SLC9A9: variants seen among roughly 807,000 people sequenced by gnomAD.
SLC9A9 encodes the protein solute carrier family 9 member A9, also known as sodium/hydrogen exchanger 9.
In SLC9A9, 62 loss-of-function variants were observed where a neutral mutation model predicts 77.8. The observed-to-expected ratio is 0.80, with a 90% confidence interval of 0.65 to 0.98. SLC9A9 has a LOEUF of 0.98. SLC9A9 is among the 50% of genes least tolerant of loss of function. The pLI is 0.00. For synonymous variants in SLC9A9, 320 were observed against 283.5 expected, an observed-to-expected ratio of 1.13 and a Z score of -1.29; for missense variants, 775 against 774.9, an observed-to-expected ratio of 1.00 and a Z score of 0.00.
chr3:143,727,271 T>C (rs1560051398), intron 4 of SLC9A9, among the ~76,000 whole-genome samples: 1 of 152,036 alleles, frequency 6.6e-6, no homozygotes, highest in Non-Finnish European at 1.5e-5. Context: ...ATCAAAGTAG[T>C]GCAAATAGAA....
At chr3:143,791,561 C>A (rs537299261) in intron 4 of SLC9A9, among the ~76,000 whole-genome samples, 2 of 152,312 alleles carry the variant, frequency 1.3e-5, no homozygotes, top group South Asian at 4.1e-4. Flanking sequence ...TTCCCACATT[C>A]TCTGGCACTG....
At chr3:143,495,785 G>T (rs2035824853) in intron 9 of SLC9A9, among the ~76,000 whole-genome samples, 1 of 152,172 alleles carries the variant, frequency 6.6e-6, no homozygotes, top group East Asian at 1.9e-4. Context: ...TTTGCTGAAG[G>T]TGTACTGTAG....
intron 4 of SLC9A9, among the ~76,000 whole-genome samples, chr3:143,707,400 A>ACACACACACC (rs549058822): frequency 6.0e-4 from 87 of 145,104 alleles, no homozygotes; most frequent in African/African-American, 2.1e-3. Flanking sequence ...ACACACACAC[A>ACACACACACC]CCCCAGCTGG....
chr3:143,459,616 A>G lies in SLC9A9; in HGVS notation c.1469+7421T>C, dbSNP rs192756119. Among the ~76,000 whole-genome samples the G allele has an allele frequency of 1.6e-3, 236 of 152,184 alleles. 1 individual carries two copies. The highest frequency in any genetic ancestry group is 5.6e-3 in the African/African-American group (234 of 41,542). On this transcript the variant is annotated intron_variant, in intron 12 of 15. Transcript: ENST00000316549. The stretch of plus-strand genomic sequence containing the variant: ...TTATTGTCTTAGGTGTATGCTGTTT[A>G]GGCTCAGACACATGCATATACAGCC...
rs566684346 is a variant in SLC9A9 at position 143,682,826 on chromosome 3, C to T, written c.649+10366G>A. ...CTGCCCTTTTCTTTTATAGCCACAT[C>T]TTCCTCTGATTGCAGCCAGGAAAAG... On this transcript the variant is annotated intron_variant, in intron 5 of 15. Transcript: ENST00000316549. Among the ~76,000 whole-genome samples the T allele has an allele frequency of 2.0e-5, 3 of 152,270 alleles. No individual in the cohort carries two copies. The South Asian group carries it at 6.2e-4, about 32-fold the overall frequency.
chr3:143,483,192 C>T (rs532273822), intron 11 of SLC9A9, among the ~76,000 whole-genome samples: 83 of 152,224 alleles, frequency 5.5e-4, no homozygotes, highest in African/African-American at 4.6e-4. Context: ...TGTGTGTAGA[C>T]GATTAGTCTA....
At chr3:143,396,851 A>G (rs2033741499) in intron 12 of SLC9A9, among the ~76,000 whole-genome samples, 2 of 152,098 alleles carry the variant, frequency 1.3e-5, no homozygotes, top group African/African-American at 2.4e-5. Flanking sequence ...TGGACTTAAG[A>G]GTGGGGATGT....
At chr3:143,361,104 T>C (rs1310513642) in intron 14 of SLC9A9, among the ~76,000 whole-genome samples, 5 of 152,244 alleles carry the variant, frequency 3.3e-5, no homozygotes, top group Non-Finnish European at 7.3e-5. Flanking sequence ...CCCCCACAAC[T>C]GCATAAACCA....
intron 6 of SLC9A9, 83 bp from the exon 7 acceptor site, chr3:143,578,806 G>T: frequency 6.6e-7 from 1 of 1,513,748 alleles, no homozygotes; most frequent in Non-Finnish European, 9.2e-7. Context: ...TTGGGGAGAG[G>T]TATCTTTCCC....
In SLC9A9 at chr3:143,521,658, C is replaced by T. The variant is rs144056937; in HGVS notation, c.1090-26210G>A. The stretch of plus-strand genomic sequence containing the variant: ...TTGATTAATTTTTTCTTTCTTATGT[C>T]TCCTCTGTGTAGAAAGTTATATATT... On this transcript the variant is annotated intron_variant, in intron 9 of 15. Coordinates refer to ENST00000316549, the MANE Select transcript of SLC9A9 (RefSeq NM_173653.4). Among the ~76,000 whole-genome samples, 156 of 151,814 alleles carry T rather than the reference C, an allele frequency of 1.0e-3. 4 individuals are homozygous for T. In the East Asian group the frequency reaches 0.028, roughly 27 times the overall value.
At chr3:143,347,540 T>C (rs933109369) in intron 14 of SLC9A9, among the ~76,000 whole-genome samples, 1 of 152,140 alleles carries the variant, frequency 6.6e-6, no homozygotes, top group Non-Finnish European at 1.5e-5. Flanking sequence ...TCCAGAGTTA[T>C]AAAGCACAGG....
chr3:143,698,627 A>C (rs531746934), intron 4 of SLC9A9, among the ~76,000 whole-genome samples: 6 of 152,366 alleles, frequency 3.9e-5, no homozygotes, highest in Admixed American at 3.3e-4. Context: ...CAGAAGTTTT[A>C]ATTGTTTGGA....
chr3:143,278,106 T>C (rs1241885384), intron 14 of SLC9A9, among the ~76,000 whole-genome samples: 1 of 152,166 alleles, frequency 6.6e-6, no homozygotes. Flanking sequence ...CATGAACTCA[T>C]GGGCAAGGAT....
At chr3:143,347,935 G>A (rs544714631) in intron 14 of SLC9A9, among the ~76,000 whole-genome samples, 2 of 152,128 alleles carry the variant, frequency 1.3e-5, no homozygotes, top group South Asian at 4.2e-4. Flanking sequence ...TATCATAAGT[G>A]AGGTAAGATT....
chr3:143,456,918 T>C (rs942361772), intron 12 of SLC9A9, among the ~76,000 whole-genome samples: 1 of 152,224 alleles, frequency 6.6e-6, no homozygotes, highest in East Asian at 1.9e-4. Context: ...TCTTCTTGAA[T>C]GGGTTTTGGT....
At chr3:143,601,108 T>C (rs2037838833) in intron 6 of SLC9A9, among the ~76,000 whole-genome samples, 1 of 152,180 alleles carries the variant, frequency 6.6e-6, no homozygotes, top group African/African-American at 2.4e-5. Context: ...CAAAATGTCT[T>C]GTCTTTGATG....
intron 14 of SLC9A9, among the ~76,000 whole-genome samples, chr3:143,353,235 C>T (rs1162079613): frequency 2.6e-5 from 4 of 152,160 alleles, no homozygotes; most frequent in Middle Eastern, 3.2e-3. Flanking sequence ...TTGGCTATAC[C>T]CCTCTCTGGC....
At chr3:143,616,950 G>T (rs943500884) in intron 6 of SLC9A9, among the ~76,000 whole-genome samples, 6 of 151,822 alleles carry the variant, frequency 4.0e-5, no homozygotes, top group Admixed American at 3.3e-4. Flanking sequence ...GAGAAACCAA[G>T]AAATAAAACA....
At chr3:143,797,187 T>C (rs932388482) in intron 2 of SLC9A9, among the ~76,000 whole-genome samples, 9 of 149,734 alleles carry the variant, frequency 6.0e-5, no homozygotes, top group Non-Finnish European at 1.3e-4. Context: ...TTTATATATA[T>C]ATAAAATATA....
Sources: gnomAD v4.1 joint callset for allele counts (sites outside exome capture counted in the v4.1 genomes callset) on GRCh38, gnomAD v4.1.1 for gene constraint, MANE v1.5 for transcripts, NCBI Gene and HGNC (gene_info 2026-07-23, HGNC 2026-07-21) for gene names.